Variants in ANKFN1 observed in about 807,000 individuals in gnomAD.
ANKFN1 encodes ankyrin repeat and fibronectin type III domain containing 1.
In ANKFN1, 74 loss-of-function variants were observed where a neutral mutation model predicts 108.7. The observed-to-expected ratio is 0.68, with a 90% CI of 0.56 to 0.83. The LOEUF is 0.83. ANKFN1 is among the 40% of genes least tolerant of loss of function. The pLI, the probability that ANKFN1 is intolerant of heterozygous loss-of-function variation, is 0.00. For synonymous variants in ANKFN1, 547 were observed against 516.2 expected, an observed-to-expected ratio of 1.06 and a Z score of -0.81; for missense variants, 1,505 against 1,382.3, an observed-to-expected ratio of 1.09 and a Z score of -1.41.
At chr17:56,344,834 C>A (rs1289127178) in intron 4 of ANKFN1, among the ~76,000 whole-genome samples, 2 of 151,922 alleles carry the variant, frequency 1.3e-5, no homozygotes, top group African/African-American at 4.8e-5. Context: ...CATTCTGCCC[C>A]CTTCCAGTGG....
chr17:56,144,048 A>G (rs569727994), intron 4 of ANKFN1, among the ~76,000 whole-genome samples: 1 of 149,586 alleles, frequency 6.7e-6, no homozygotes, highest in Non-Finnish European at 1.5e-5. Flanking sequence ...CTGGATTTTT[A>G]TCCTTATCAC....
intron 5 of ANKFN1, among the ~76,000 whole-genome samples, chr17:56,352,650 A>C (rs1267965667): frequency 6.6e-6 from 1 of 152,132 alleles, no homozygotes; most frequent in Non-Finnish European, 1.5e-5. Flanking sequence ...TTTTTCTACA[A>C]GTGAAGTGTA....
In ANKFN1 at chr17:56,449,077, A is replaced by G; in HGVS notation, c.1100-2A>G. ...ACTATGTTTATTTCTTTTGTTCAAT[A>G]GACTGGAAAGACTATGACGACAGAG... On this transcript the variant is annotated splice_acceptor_variant, in intron 10 of 20. Coordinates refer to ENST00000682825, the MANE Select transcript of ANKFN1 (RefSeq NM_001370326.1). LOFTEE classifies it high-confidence loss of function. The G allele has an allele frequency of 6.2e-7, 1 of 1,611,994 alleles. No individual in the cohort carries two copies. Among genetic ancestry groups the G allele is most frequent in the Non-Finnish European group, 8.5e-7 (1 of 1,178,410 alleles).
chr17:56,163,599 A>T (rs966523433), intron 1 of ANKFN1, among the ~76,000 whole-genome samples: 2 of 152,232 alleles, frequency 1.3e-5, no homozygotes, highest in Non-Finnish European at 2.9e-5. Context: ...TTGGCAACAG[A>T]TTTCTACTGA....
intron 4 of ANKFN1, among the ~76,000 whole-genome samples, chr17:56,148,353 A>G (rs891980193): frequency 2.0e-5 from 3 of 152,244 alleles, no homozygotes; most frequent in African/African-American, 7.2e-5. Flanking sequence ...CTAATTTTAC[A>G]GGAAAGAGGC....
rs535994848 is a variant in ANKFN1, at chr17:56,377,168, A to G, written c.910+2454A>G. On this transcript the variant is annotated intron_variant, in intron 8 of 20. Coordinates refer to ENST00000682825, the MANE Select transcript of ANKFN1 (RefSeq NM_001370326.1). ...CTGGGTTCAGCAAAACCTCAAGCCT[A>G]TTTTGACAACTCAATGTTTTCCTCC... Among the ~76,000 whole-genome samples the G allele has an allele frequency of 1.2e-3, 181 of 152,342 alleles. 1 individual carries two copies. The highest frequency in any genetic ancestry group is 4.3e-3 in the African/African-American group (179 of 41,584).
At chr17:56,404,352 T>A (rs1324281225) in intron 8 of ANKFN1, among the ~76,000 whole-genome samples, 1 of 152,136 alleles carries the variant, frequency 6.6e-6, no homozygotes, top group Admixed American at 6.5e-5. Flanking sequence ...GAGGCCTTGT[T>A]CATATTTTCT....
chr17:56,253,622 G>A lies in ANKFN1; in HGVS notation c.53+25665G>A, dbSNP rs1370998819. On this transcript the variant is annotated intron_variant, in intron 3 of 20. Coordinates refer to ENST00000682825, the MANE Select transcript of ANKFN1 (RefSeq NM_001370326.1). Reference sequence around the variant, plus strand: ...GCATGGTGGCATGCACCTATATCCCGGCTATTTAGGAGGCCAAGGCACGAG... The same window carrying A: ...GCATGGTGGCATGCACCTATATCCCAGCTATTTAGGAGGCCAAGGCACGAG... Among the ~76,000 whole-genome samples the A allele has an allele frequency of 5.3e-5, 8 of 152,174 alleles. No homozygotes were observed. In the East Asian group the frequency reaches 1.2e-3, roughly 22 times the overall value.
chr17:56,170,397 G>A (rs554945334), intron 1 of ANKFN1, among the ~76,000 whole-genome samples: 2 of 152,148 alleles, frequency 1.3e-5, no homozygotes, highest in African/African-American at 4.8e-5. Flanking sequence ...AGGCAGACAG[G>A]TTGCTGGAGC....
rs1310950912 is a variant in ANKFN1 at position 56,208,318 on chromosome 17, G to T, written c.-70-4280G>T. On this transcript the variant is annotated intron_variant, in intron 1 of 20. Transcript: ENST00000682825. Reference sequence around the variant, plus strand: ...TTACAGGCATCAGCCACCATACCCGGCCGTTAGACAAGGTTTCTCAATCTC... The same window carrying T: ...TTACAGGCATCAGCCACCATACCCGTCCGTTAGACAAGGTTTCTCAATCTC... Among the ~76,000 whole-genome samples the T allele has an allele frequency of 2.0e-5, 3 of 152,130 alleles. No homozygotes were observed. The East Asian group carries it at 5.8e-4, about 29-fold the overall frequency.
chr17:56,153,287 C>T (rs1229746967), upstream of ANKFN1, among the ~76,000 whole-genome samples: 1 of 152,184 alleles, frequency 6.6e-6, no homozygotes, highest in Non-Finnish European at 1.5e-5. Context: ...AAAACGATTT[C>T]TTTGTCACCA....
intron 4 of ANKFN1, among the ~76,000 whole-genome samples, chr17:56,118,467 C>G (rs1400045971): frequency 1.3e-5 from 2 of 152,116 alleles, no homozygotes; most frequent in Admixed American, 6.5e-5. Context: ...ACACTTATAT[C>G]TTAGAATCTG....
rs539667547 is a variant in ANKFN1, at chr17:56,278,191, A to T, written c.54-48030A>T. 2.1e-4 allele frequency among the ~76,000 whole-genome samples: 32 copies of T among 152,302 alleles called. 1 individual carries two copies. Among genetic ancestry groups the T allele is most frequent in the Admixed American group, 1.7e-3 (26 of 15,296 alleles). On this transcript the variant is annotated intron_variant, in intron 3 of 20. Transcript: ENST00000682825. ...CTCACATTGAATGAAGCCTTAACTC[A>T]TCTAAATGCCTCTTTGCCAATCTCT...
intron 18 of ANKFN1, among the ~76,000 whole-genome samples, chr17:56,487,847 CA>C (rs2145401647): frequency 6.6e-6 from 1 of 152,248 alleles, no homozygotes; most frequent in South Asian, 2.1e-4. Context: ...AAAGAAAAGG[CA>C]GGCAGAAAAG....
intron 15 of ANKFN1, among the ~76,000 whole-genome samples, chr17:56,476,275 T>G (rs921879469): frequency 6.6e-6 from 1 of 152,192 alleles, no homozygotes; most frequent in African/African-American, 2.4e-5. Context: ...TGTAAAAGTT[T>G]TACCTACTGA....
intron 4 of ANKFN1, among the ~76,000 whole-genome samples, chr17:56,116,531 ACT>A (rs1302839861): frequency 1.3e-5 from 2 of 151,858 alleles, no homozygotes; most frequent in Non-Finnish European, 2.9e-5. Context: ...GTGAGTTCTC[ACT>A]CTTAGTTCCC....
chr17:56,144,156 GAAAAAAAAAAAAAA>G (rs59884444), intron 4 of ANKFN1, among the ~76,000 whole-genome samples: 1 of 40,552 alleles, frequency 2.5e-5, no homozygotes, highest in Non-Finnish European at 4.6e-5. Context: ...AGGCGCATCT[GAAAAAAAAAAAAAA>G]AAAAAAAAAA....
At chr17:56,319,165 C>T (rs1298777759) in intron 3 of ANKFN1, among the ~76,000 whole-genome samples, 1 of 152,066 alleles carries the variant, frequency 6.6e-6, no homozygotes, top group Non-Finnish European at 1.5e-5. Flanking sequence ...TCAACGAAAC[C>T]GTTTTGACTT....
At chr17:56,089,972 GAT>G (rs1269458981) in intron 4 of ANKFN1, among the ~76,000 whole-genome samples, 6 of 151,466 alleles carry the variant, frequency 4.0e-5, no homozygotes, top group Non-Finnish European at 7.4e-5. Flanking sequence ...GAAAGGGAAA[GAT>G]AGAAAAGAAA....
Sources: gnomAD v4.1 joint callset for allele counts (sites outside exome capture counted in the v4.1 genomes callset) on GRCh38, gnomAD v4.1.1 for gene constraint, MANE v1.5 for transcripts, NCBI Gene and HGNC (gene_info 2026-07-23, HGNC 2026-07-21) for gene names.